Variants in FANCM observed in about 807,000 individuals in gnomAD.
FANCM encodes the protein FA complementation group M.
A neutral mutation model predicts 199.5 loss-of-function variants in FANCM; 140 were observed. That is an observed-to-expected ratio of 0.70 (90% CI 0.61 to 0.81). The LOEUF is 0.81. Among genes scored for constraint, FANCM ranks in the 30% least tolerant of loss-of-function variants. FANCM has a pLI of 0.00. For synonymous variants in FANCM, 840 were observed against 836.8 expected (o/e 1.00, Z -0.07); for missense variants, 2,410 against 2,421.4 (o/e 1.00, Z 0.10).
At position 45,155,421 on chromosome 14, in the gene FANCM, T is replaced by C. The variant is rs1566738991; in HGVS notation, c.1358T>C (p.Leu453Ser). Residue 453 changes from leucine to serine, a missense_variant, in exon 8 of 23, where the codon TTA becomes TCA. Transcript: ENST00000267430. ...FVYSHPKLKK[L>S]EEVVIEHFKS... ...TATAGTCATCCAAAGTTAAAGAAAT[T>C]AGAAGAAGTTGTAATTGAACACTTC... 1 of 1,490,330 alleles carries C rather than the reference T, an allele frequency of 6.7e-7. No homozygotes were observed. The highest frequency in any genetic ancestry group is 2.3e-5 in the East Asian group (1 of 44,048). The allele number at this position is 1,490,330 out of a possible 1,614,324, so 92.3% of individuals were successfully genotyped here.
Position 45,136,198 on chromosome 14 carries a change from T to A in FANCM, c.167T>A (p.Val56Glu). 1 of 1,614,116 alleles carries A rather than the reference T, an allele frequency of 6.2e-7. No individual in the cohort carries two copies. Among genetic ancestry groups the A allele is most frequent in the Non-Finnish European group, 8.5e-7 (1 of 1,180,002 alleles). ...AEAQLESDDDVLLVAAYEAER... is the reference protein window; with the variant it reads ...AEAQLESDDDELLVAAYEAER... Reference sequence around the variant, plus strand: ...GCTCAGCTGGAGTCGGACGATGATGTGTTGCTTGTCGCGGCGTACGAGGCT... The same window carrying A: ...GCTCAGCTGGAGTCGGACGATGATGAGTTGCTTGTCGCGGCGTACGAGGCT... The change falls in exon 1 of 23, where the codon GTG becomes GAG. Residue 56 changes from valine to glutamate, a missense_variant. Transcript: ENST00000267430.
rs1475976179 is a variant in FANCM, at chr14:45,187,892, G to A, written c.4779+5G>A. ...AACATAAACATTTTCTCGCAGGTAT[G>A]AACTATAGAAATATAATGGAGAATT... On this transcript the variant is annotated splice_donor_5th_base_variant and intron_variant, in intron 19 of 22. Transcript: ENST00000267430. 2 of 1,271,668 alleles carry A rather than the reference G, an allele frequency of 1.6e-6. No homozygotes were observed. Among genetic ancestry groups the A allele is most frequent in the Admixed American group, 1.7e-5 (1 of 59,310 alleles). 78.8% of individuals were successfully genotyped at this position (1,271,668 alleles called of 1,614,324 possible).
intron 3 of FANCM, among the ~76,000 whole-genome samples, chr14:45,141,765 T>C (rs1231382765): frequency 2.0e-5 from 3 of 151,788 alleles, no homozygotes; most frequent in Non-Finnish European, 2.9e-5. Flanking sequence ...AATTTTTGTA[T>C]TTTTAGTAGA....
intron 2 of FANCM, among the ~76,000 whole-genome samples, chr14:45,138,414 T>A (rs917487760): frequency 9.2e-5 from 14 of 152,288 alleles, no homozygotes; most frequent in African/African-American, 3.1e-4. Flanking sequence ...TCATCTTTTT[T>A]AATAATTGAT....
intron 8 of FANCM, among the ~76,000 whole-genome samples, chr14:45,157,866 T>C (rs1250866175): frequency 6.6e-6 from 1 of 152,174 alleles, no homozygotes; most frequent in Non-Finnish European, 1.5e-5. Context: ...AAATGCGTAG[T>C]GCGGTCCTTG....
At chr14:45,193,535 C>T (rs960078094) in intron 20 of FANCM, among the ~76,000 whole-genome samples, 1 of 152,086 alleles carries the variant, frequency 6.6e-6, no homozygotes, top group Non-Finnish European at 1.5e-5. Flanking sequence ...CAGGGTATAC[C>T]TTTGATTCAT....
At chr14:45,140,848 CTGG>C in intron 3 of FANCM, 139 bp downstream of exon 3, 1 of 691,148 alleles carries the variant, frequency 1.4e-6, no homozygotes, top group Non-Finnish European at 2.6e-6. Context: ...CCAGACCAGC[CTGG>C]GCAACATGGT....
At chr14:45,152,715 T>C (rs371514094) in intron 5 of FANCM, among the ~76,000 whole-genome samples, 2 of 152,160 alleles carry the variant, frequency 1.3e-5, no homozygotes, top group South Asian at 2.1e-4. Flanking sequence ...GATATGATAA[T>C]ATAGGTTGTA....
At chr14:45,164,107 G>A (rs567754440) in intron 9 of FANCM, among the ~76,000 whole-genome samples, 1 of 152,168 alleles carries the variant, frequency 6.6e-6, no homozygotes, top group East Asian at 1.9e-4. Context: ...CATCATGCTG[G>A]GCTAGTTTTT....
At position 45,136,329 on chromosome 14, in the gene FANCM, C is replaced by G. The variant is rs1438436722; in HGVS notation, c.298C>G (p.Arg100Gly). ...PVRDYQLHIS[R>G]AALFCNTLVC... ...GCGGGACTACCAGCTGCACATTTCC[C>G]GGGCTGCTCTGTTTTGCAATACGCT... is the stretch of plus-strand genomic sequence containing the variant. The change falls in exon 1 of 23, where the codon CGG (arginine) becomes GGG (glycine). Residue 100 changes from arginine (R) to glycine (G), a missense_variant. Coordinates refer to ENST00000267430, the MANE Select transcript of FANCM (RefSeq NM_020937.4). The G allele has an allele frequency of 2.5e-6, 4 of 1,614,146 alleles. No individual in the cohort carries two copies. Among genetic ancestry groups the G allele is most frequent in the Non-Finnish European group, 3.4e-6 (4 of 1,180,016 alleles).
intron 12 of FANCM, among the ~76,000 whole-genome samples, chr14:45,172,066 G>T (rs1259367852): frequency 6.6e-6 from 1 of 152,008 alleles, no homozygotes; most frequent in Non-Finnish European, 1.5e-5. Context: ...GCAGGAGTAA[G>T]GTGGTATTGT....
At chr14:45,188,147 T>C (rs1489482319) in intron 19 of FANCM, among the ~76,000 whole-genome samples, 1 of 152,188 alleles carries the variant, frequency 6.6e-6, no homozygotes, top group Non-Finnish European at 1.5e-5. Context: ...AAGACCAGCC[T>C]GGCCAACATG....
intron 2 of FANCM, 152 bp from the exon 3 acceptor site, chr14:45,140,480 A>G (rs1025969699): frequency 3.0e-5 from 19 of 634,320 alleles, no homozygotes; most frequent in Non-Finnish European, 5.1e-5. Flanking sequence ...TTTGCTCTTC[A>G]GATAATATAA....
In FANCM at chr14:45,189,252, G is replaced by C; in HGVS notation, c.5230G>C (p.Glu1744Gln). 6.2e-7 allele frequency: 1 copy of C among 1,614,024 alleles called. No individual in the cohort carries two copies. The highest frequency in any genetic ancestry group is 8.5e-7 in the Non-Finnish European group (1 of 1,179,950). ...TSLNLKDTIS[E>Q]VSDFKPQNHN... Reference sequence around the variant, plus strand: ...GCTGAATTTAAAGGATACAATTTCCGAAGTCTCAGACTTCAAACCTCAGAA... The same window carrying C: ...GCTGAATTTAAAGGATACAATTTCCCAAGTCTCAGACTTCAAACCTCAGAA... Residue 1744 changes from glutamate (E) to glutamine (Q), a missense_variant, in exon 20 of 23, where the codon GAA becomes CAA. Transcript: ENST00000267430.
intron 8 of FANCM, among the ~76,000 whole-genome samples, chr14:45,157,877 G>C (rs971189468): frequency 2.6e-5 from 4 of 152,126 alleles, no homozygotes; most frequent in African/African-American, 7.2e-5. Context: ...GCGGTCCTTG[G>C]AACACATATG....
At chr14:45,180,493 C>T (rs1888997855) in intron 14 of FANCM, among the ~76,000 whole-genome samples, 2 of 151,856 alleles carry the variant, frequency 1.3e-5, no homozygotes, top group Admixed American at 1.3e-4. Flanking sequence ...GTCACTCAGG[C>T]TAGATTGTAG....
At chr14:45,164,783 T>C (rs1004236962) in intron 10 of FANCM, among the ~76,000 whole-genome samples, 1 of 152,214 alleles carries the variant, frequency 6.6e-6, no homozygotes, top group Non-Finnish European at 1.5e-5. Context: ...ACATTTTTAA[T>C]ACTTAAGTAG....
intron 11 of FANCM, 140 bp from the exon 12 acceptor site, chr14:45,170,449 C>G: frequency 3.3e-6 from 2 of 598,608 alleles, no homozygotes; most frequent in South Asian, 3.7e-5. Context: ...TTGCTTGAAC[C>G]CAGGAGTTTG....
At chr14:45,195,199 T>C (rs916201598) in intron 20 of FANCM, among the ~76,000 whole-genome samples, 2 of 152,208 alleles carry the variant, frequency 1.3e-5, no homozygotes, top group Non-Finnish European at 1.5e-5. Context: ...TCTTTTTTCT[T>C]TCAGTTTCAT....
Sources: gnomAD v4.1 joint callset for allele counts (sites outside exome capture counted in the v4.1 genomes callset) on GRCh38, gnomAD v4.1.1 for gene constraint, MANE v1.5 for transcripts, NCBI Gene and HGNC (gene_info 2026-07-23, HGNC 2026-07-21) for gene names.